The following PHYHD1 variants were observed in gnomAD, a reference collection of about 807,000 sequenced individuals.
PHYHD1 encodes the protein phytanoyl-CoA dioxygenase domain containing 1.
In PHYHD1, 42 loss-of-function variants were observed where a neutral mutation model predicts 43.6. That is an observed-to-expected ratio of 0.96 (90% confidence interval 0.75 to 1.25). The LOEUF (loss-of-function observed/expected upper bound fraction) is 1.25, where lower values mean the gene tolerates loss of function less well. PHYHD1 is among the 50% of genes most tolerant of loss of function. The probability of loss-of-function intolerance (pLI) is 0.00; values close to 1 mark genes in which losing one functional copy is unlikely to be tolerated. For missense variants in PHYHD1, 342 were observed against 370.8 expected, an observed-to-expected ratio of 0.92 and a Z score of 0.64; for synonymous variants, 139 against 143.6, an observed-to-expected ratio of 0.97 and a Z score of 0.23.
chr9:128,939,780 A>G (rs1400942757), intron 9 of PHYHD1, among the ~76,000 whole-genome samples: 1 of 118,972 alleles, frequency 8.4e-6, no homozygotes, highest in African/African-American at 2.7e-5. Flanking sequence ...TCAGCCTCCC[A>G]AGTAGCTGGG....
At chr9:128,937,612 G>A (rs1361629336) in intron 8 of PHYHD1, 145 bp from the exon 9 acceptor site, 2 of 871,106 alleles carry the variant, frequency 2.3e-6, no homozygotes, top group East Asian at 5.3e-5. Flanking sequence ...GCTGGCATAT[G>A]GTAGGTGCTC....
At chr9:128,937,935 T>A (rs902262208) in intron 9 of PHYHD1, 157 bp downstream of exon 9, 1 of 1,520,886 alleles carries the variant, frequency 6.6e-7, no homozygotes, top group Admixed American at 2.1e-5. Context: ...CTTCCCCTGA[T>A]AGTGGATTGG....
intron 3 of PHYHD1, among the ~76,000 whole-genome samples, chr9:128,926,613 C>T (rs1356731590): frequency 2.2e-5 from 3 of 138,070 alleles, no homozygotes; most frequent in Non-Finnish European, 4.6e-5. Context: ...GGCTGGAGTG[C>T]AGTGGTGAGA....
rs903500553 is a variant in PHYHD1, at chr9:128,941,807, A to C, written c.*94A>C. On this transcript the variant is annotated 3_prime_UTR_variant, in exon 13 of 13. Transcript: ENST00000372592. ...GCTCAGCCTCCTGGTTGCAACAGGG[A>C]GGTCTTGTCTCCCCTCCTGGGCTTT... is the stretch of plus-strand genomic sequence containing the variant. 1.3e-6 allele frequency: 2 copies of C among 1,556,364 alleles called. No individual in the cohort carries two copies. Among genetic ancestry groups the C allele is most frequent in the African/African-American group, 2.7e-5 (2 of 73,556 alleles).
chr9:128,923,907 C>A (rs906975559), intron 3 of PHYHD1, among the ~76,000 whole-genome samples: 15 of 151,992 alleles, frequency 9.9e-5, no homozygotes, highest in African/African-American at 3.6e-4. Context: ...CACCTGAGGT[C>A]AGGAGTTGGA....
In PHYHD1 at chr9:128,927,097, C is replaced by T. The variant is rs767298203; in HGVS notation, c.93C>T (p.Ala31=). ...TCTTGTCTGCGGAAGAGTGTGTGGC[C>T]ATGCAACAAAGGATTGGCGAGATAG... ...EGFLSAEECV[A]MQQRIGEIVA... is the part of the protein sequence containing the mutation. The change falls in exon 4 of 13, where the codon GCC becomes GCT. Residue 31 remains alanine (A), a synonymous_variant. Transcript: ENST00000372592. The T allele has an allele frequency of 3.1e-6, 5 of 1,614,130 alleles. No individual in the cohort carries two copies. Among genetic ancestry groups the T allele is most frequent in the Non-Finnish European group, 4.2e-6 (5 of 1,180,008 alleles).
chr9:128,931,983 T>C (rs1442722336), intron 4 of PHYHD1, among the ~76,000 whole-genome samples: 1 of 150,074 alleles, frequency 6.7e-6, no homozygotes, highest in African/African-American at 2.5e-5. Context: ...TACAGGTGCA[T>C]GCTACCACGC....
At chr9:128,934,951 C>A (rs1367988204) in intron 6 of PHYHD1, among the ~76,000 whole-genome samples, 2 of 152,122 alleles carry the variant, frequency 1.3e-5, no homozygotes, top group Non-Finnish European at 2.9e-5. Context: ...TGTGCAGGCT[C>A]TCTACTGCCT....
At chr9:128,941,641 A>G in intron 12 of PHYHD1, 27 bp from the exon 13 acceptor site, 1 of 1,614,152 alleles carries the variant, frequency 6.2e-7, no homozygotes, top group Non-Finnish European at 8.5e-7. Flanking sequence ...CTGCACCTCA[A>G]GGTTGTTTCT....
chr9:128,935,661 T>C lies in PHYHD1; in HGVS notation c.317-787T>C, dbSNP rs548535619. Among the ~76,000 whole-genome samples, 4 of 152,188 alleles carry C rather than the reference T, an allele frequency of 2.6e-5. No homozygotes were observed. In the South Asian group the frequency reaches 8.3e-4, roughly 32 times the overall value. ...GTTCACGCCTGTAATCCCAGCACTT[T>C]GGGAGGCCGAGGCGGGTGGATCACG... is the stretch of plus-strand genomic sequence containing the variant. On this transcript the variant is annotated intron_variant, in intron 6 of 12. Transcript: ENST00000372592.
At chr9:128,940,123 T>C (rs1841519481) in intron 9 of PHYHD1, among the ~76,000 whole-genome samples, 1 of 152,168 alleles carries the variant, frequency 6.6e-6, no homozygotes, top group Non-Finnish European at 1.5e-5. Context: ...CATCATCTCA[T>C]AGAATCCTCC....
chr9:128,940,432 G>A lies in PHYHD1; in HGVS notation c.521G>A (p.Trp174Ter), dbSNP rs1841528460. 6.2e-7 allele frequency: 1 copy of A among 1,613,174 alleles called. No individual in the cohort carries two copies. The highest frequency in any genetic ancestry group is 1.3e-5 in the African/African-American group (1 of 74,608). The change falls in exon 10 of 13, where the codon TGG becomes TAG. Residue 174 changes from tryptophan to a stop codon, truncating the protein, a stop_gained. Coordinates refer to ENST00000372592, the MANE Select transcript of PHYHD1 (RefSeq NM_001100876.2). LOFTEE classifies it high-confidence loss of function. ...CCCCTGGGCCGGGTGCTGGGCGTGTGGATCGCAGTGGAGGATGCCACGCTG... is the reference window on the plus strand; with the variant it reads ...CCCCTGGGCCGGGTGCTGGGCGTGTAGATCGCAGTGGAGGATGCCACGCTG... Reference protein sequence around the residue: ...TEPLGRVLGVWIAVEDATLEN... With the variant: ...TEPLGRVLGV
intron 4 of PHYHD1, among the ~76,000 whole-genome samples, chr9:128,931,019 C>T (rs1186587319): frequency 6.6e-6 from 1 of 151,700 alleles, no homozygotes; most frequent in East Asian, 1.9e-4. Flanking sequence ...CCCTACCTCT[C>T]TGGGTTTTGG....
rs1841430760 is a variant in PHYHD1 at position 128,936,654 on chromosome 9, C to G, written c.435+9C>G. The G allele has an allele frequency of 1.3e-6, 2 of 1,551,892 alleles. No homozygotes were observed. The highest frequency in any genetic ancestry group is 1.7e-6 in the Non-Finnish European group (2 of 1,147,074). On this transcript the variant is annotated intron_variant, in intron 8 of 12. Transcript: ENST00000372592. ...GCATGTACATCTTTAAGGTGAGCTC[C>G]TTGTCCTTGCCTCAGTTTACCATCT...
chr9:128,926,978 G>C (rs767681212), intron 3 of PHYHD1, 60 bp from the exon 4 acceptor site: 1 of 1,611,662 alleles, frequency 6.2e-7, no homozygotes, highest in East Asian at 2.2e-5. Context: ...AAGGTTGAGG[G>C]AAGGGTCAGA....
At chr9:128,922,497 G>A in intron 3 of PHYHD1, 141 bp downstream of exon 3, 6 of 1,039,264 alleles carry the variant, frequency 5.8e-6, no homozygotes, top group Non-Finnish European at 8.3e-6. Flanking sequence ...GTTCCCAACC[G>A]CAACCCCTCC....
At chr9:128,923,577 T>C (rs1055303737) in intron 3 of PHYHD1, among the ~76,000 whole-genome samples, 1 of 152,252 alleles carries the variant, frequency 6.6e-6, no homozygotes, top group African/African-American at 2.4e-5. Flanking sequence ...TTTGTTAAAC[T>C]AATCCCCTTG....
intron 9 of PHYHD1, 70 bp from the exon 10 acceptor site, chr9:128,940,299 G>C: frequency 3.8e-6 from 6 of 1,593,350 alleles, no homozygotes; most frequent in Non-Finnish European, 5.1e-6. Context: ...CTGAGGAATA[G>C]GTAATGAGGC....
At chr9:128,929,583 G>T (rs1417341990) in intron 4 of PHYHD1, among the ~76,000 whole-genome samples, 2 of 151,882 alleles carry the variant, frequency 1.3e-5, no homozygotes, top group African/African-American at 4.8e-5. Flanking sequence ...TGAGGCAGGA[G>T]AATCGCCTGA....
Sources: allele counts gnomAD v4.1 joint callset (sites outside exome capture counted in the v4.1 genomes callset), GRCh38; gene constraint gnomAD v4.1.1; transcripts MANE v1.5; gene names NCBI Gene and HGNC (gene_info 2026-07-23, HGNC 2026-07-21).